The following PTPRT variants were observed in gnomAD, a reference collection of about 807,000 sequenced individuals.
PTPRT encodes receptor-type tyrosine-protein phosphatase T.
Under a neutral mutation model 176.8 loss-of-function variants are expected in PTPRT, and 56 were observed. The observed-to-expected ratio is 0.32, with a 90% CI of 0.26 to 0.40. The LOEUF (loss-of-function observed/expected upper bound fraction) is 0.40, where lower values mean the gene tolerates loss of function less well. Ranked by LOEUF, PTPRT falls within the 10% of genes least tolerant of loss-of-function variation. The pLI, the probability that PTPRT is intolerant of heterozygous loss-of-function variation, is 1.00. For missense variants in PTPRT, 1,540 were observed against 1,908.2 expected, an observed-to-expected ratio of 0.81 and a Z score of 3.60; for synonymous variants, 783 against 739.0, an observed-to-expected ratio of 1.06 and a Z score of -0.96.
At chr20:42,399,537 A>C (rs1414869754) in intron 9 of PTPRT, among the ~76,000 whole-genome samples, 1 of 152,202 alleles carries the variant, frequency 6.6e-6, no homozygotes, top group African/African-American at 2.4e-5. Context: ...TAGAGCCCAC[A>C]GAGGATTCTG....
chr20:42,780,490 T>C (rs927535827), intron 3 of PTPRT, among the ~76,000 whole-genome samples, 191 bp from the exon 4 acceptor site: 4 of 152,136 alleles, frequency 2.6e-5, no homozygotes, highest in Admixed American at 1.3e-4. Context: ...GGCCACACTT[T>C]GGTGGCTAGC....
At chr20:42,101,993 G>T in intron 26 of PTPRT, 131 bp downstream of exon 26, 1 of 1,087,318 alleles carries the variant, frequency 9.2e-7, no homozygotes, top group Admixed American at 2.5e-5. Context: ...AAAGGTCCTT[G>T]GGACTAGTAG....
Position 42,756,645 on chromosome 20 carries a change from C to A in PTPRT, c.685-9G>T. On this transcript the variant is annotated splice_polypyrimidine_tract_variant and intron_variant, in intron 5 of 30. Coordinates refer to ENST00000373187, the MANE Select transcript of PTPRT (RefSeq NM_007050.6). ...TCCCTGCCATTCCATTGCTGCAGAACAGAGGAAGAGAGGGAGAGGAGGAAT... is the reference window on the plus strand; with the variant it reads ...TCCCTGCCATTCCATTGCTGCAGAAAAGAGGAAGAGAGGGAGAGGAGGAAT... 6.4e-7 allele frequency: 1 copy of A among 1,565,966 alleles called. No individual in the cohort carries two copies. The highest frequency in any genetic ancestry group is 8.7e-7 in the Non-Finnish European group (1 of 1,150,076).
At chr20:42,561,992 C>T (rs930507795) in intron 7 of PTPRT, among the ~76,000 whole-genome samples, 3 of 152,164 alleles carry the variant, frequency 2.0e-5, no homozygotes, top group Admixed American at 6.5e-5. Flanking sequence ...CTGGCTCCAG[C>T]GTTGAAATCA....
intron 1 of PTPRT, among the ~76,000 whole-genome samples, chr20:43,174,024 T>C (rs2015068193): frequency 6.6e-6 from 1 of 152,372 alleles, no homozygotes; most frequent in South Asian, 2.1e-4. Context: ...GGGATCATTA[T>C]GAGAATTAAA....
intron 1 of PTPRT, among the ~76,000 whole-genome samples, chr20:43,038,975 G>C (rs1328615983): frequency 2.0e-5 from 3 of 151,680 alleles, no homozygotes; most frequent in Non-Finnish European, 4.4e-5. Context: ...ACTTAGATAA[G>C]AGAAATCAAC....
chr20:42,485,569 T>C (rs1764723043), intron 7 of PTPRT, among the ~76,000 whole-genome samples: 1 of 152,238 alleles, frequency 6.6e-6, no homozygotes, highest in South Asian at 2.1e-4. Context: ...AATTGGACTC[T>C]GATCGCCTCC....
intron 15 of PTPRT, among the ~76,000 whole-genome samples, chr20:42,208,896 AAAGG>A (rs1345368838): frequency 5.3e-5 from 8 of 152,226 alleles, no homozygotes; most frequent in Admixed American, 3.3e-4. Context: ...ACTTGGAAGT[AAAGG>A]TCTCCTTAGC....
rs1354897093 is a variant in PTPRT at position 42,082,047 on chromosome 20, T to C, written c.4137-30A>G. On this transcript the variant is annotated intron_variant, in intron 29 of 30. Coordinates refer to ENST00000373187, the MANE Select transcript of PTPRT (RefSeq NM_007050.6). The stretch of plus-strand genomic sequence containing the variant: ...ACACAGAGCAAAGAGGTGAGCCATG[T>C]TCCTAGGTCCCTTCCAGGCACCTGA... The C allele has an allele frequency of 1.9e-6, 3 of 1,613,530 alleles. No individual in the cohort carries two copies. The East Asian group carries it at 6.7e-5, about 36-fold the overall frequency.
At chr20:42,422,003 G>A (rs139862513) in intron 9 of PTPRT, among the ~76,000 whole-genome samples, 29 of 152,342 alleles carry the variant, frequency 1.9e-4, no homozygotes, top group African/African-American at 6.7e-4. Flanking sequence ...CTAGCCATAT[G>A]CAGAAGACTG....
intron 7 of PTPRT, among the ~76,000 whole-genome samples, chr20:42,675,109 T>C (rs547983008): frequency 1.3e-5 from 2 of 152,220 alleles, no homozygotes; most frequent in Admixed American, 6.5e-5. Context: ...GAGCCACACC[T>C]TTTTCCCCAA....
In PTPRT at chr20:42,075,412, G is replaced by A. The variant is rs142523497; in HGVS notation, c.*5467C>T. 3.3e-4 allele frequency: 75 copies of A among 227,680 alleles called. No individual in the cohort carries two copies. The highest frequency in any genetic ancestry group is 1.6e-3 in the African/African-American group (73 of 45,098). The allele number at this position is 227,680 out of a possible 1,614,324, so 14.1% of individuals were successfully genotyped here. ...CAGCACAACCTGTTGACATGACTTAGGAACAGCGTCCTGTTCATGCTTCCT... is the reference window on the plus strand; with the variant it reads ...CAGCACAACCTGTTGACATGACTTAAGAACAGCGTCCTGTTCATGCTTCCT... On this transcript the variant is annotated 3_prime_UTR_variant, in exon 31 of 31. Transcript: ENST00000373187.
intron 5 of PTPRT, among the ~76,000 whole-genome samples, chr20:42,763,347 G>A (rs1437510620): frequency 6.6e-6 from 1 of 152,122 alleles, no homozygotes; most frequent in Non-Finnish European, 1.5e-5. Context: ...TTTAATAAAA[G>A]GAAACCATTT....
intron 1 of PTPRT, among the ~76,000 whole-genome samples, chr20:43,174,167 C>T (rs2015072389): frequency 6.6e-6 from 1 of 152,148 alleles, no homozygotes; most frequent in Non-Finnish European, 1.5e-5. Flanking sequence ...ACAAAGTAAG[C>T]CAGACAGAGA....
chr20:42,837,345 T>G (rs907268229), intron 2 of PTPRT, among the ~76,000 whole-genome samples: 2 of 152,202 alleles, frequency 1.3e-5, no homozygotes, highest in Non-Finnish European at 2.9e-5. Flanking sequence ...CATGGTCTTC[T>G]GCTGGGAAAG....
chr20:42,665,404 C>T (rs1173131974), intron 7 of PTPRT, among the ~76,000 whole-genome samples: 1 of 152,086 alleles, frequency 6.6e-6, no homozygotes. Context: ...TACCATCTCA[C>T]ACCAGTTAGA....
chr20:42,208,441 G>A (rs2055530296), intron 15 of PTPRT, among the ~76,000 whole-genome samples: 1 of 151,830 alleles, frequency 6.6e-6, no homozygotes, highest in Admixed American at 6.5e-5. Flanking sequence ...TAAAAGGATG[G>A]AGGAAGATCT....
intron 1 of PTPRT, among the ~76,000 whole-genome samples, chr20:43,043,072 C>T (rs537217291): frequency 6.6e-6 from 1 of 152,252 alleles, no homozygotes; most frequent in South Asian, 2.1e-4. Context: ...ATGAGATAAA[C>T]ACATTGTGCC....
At chr20:42,428,146 A>G (rs1250181278) in intron 9 of PTPRT, among the ~76,000 whole-genome samples, 1 of 152,180 alleles carries the variant, frequency 6.6e-6, no homozygotes, top group Non-Finnish European at 1.5e-5. Context: ...ATTTTGGGGA[A>G]ACACCAACAT....
Sources: gnomAD v4.1 joint callset for allele counts (sites outside exome capture counted in the v4.1 genomes callset) on GRCh38, gnomAD v4.1.1 for gene constraint, MANE v1.5 for transcripts, NCBI Gene and HGNC (gene_info 2026-07-23, HGNC 2026-07-21) for gene names.